NKAIN2: variants seen among roughly 807,000 people sequenced by gnomAD.
The protein encoded by NKAIN2 is sodium/potassium transporting ATPase interacting 2, also known as sodium/potassium-transporting ATPase subunit beta-1-interacting protein 2.
A neutral mutation model predicts 32.6 loss-of-function variants in NKAIN2; 14 were observed. That is an observed-to-expected ratio of 0.43 (90% CI 0.28 to 0.67). NKAIN2 has a LOEUF of 0.67. NKAIN2 is among the 30% of genes least tolerant of loss of function. The pLI is 0.17. For missense variants in NKAIN2, 198 were observed against 258.3 expected (o/e 0.77, Z 1.60); for synonymous variants, 80 against 87.2 (o/e 0.92, Z 0.46).
intron 1 of NKAIN2, among the ~76,000 whole-genome samples, chr6:124,224,867 T>A (rs1441625305): frequency 6.6e-6 from 1 of 152,034 alleles, no homozygotes; most frequent in Non-Finnish European, 1.5e-5. Context: ...CTGGGTGTAG[T>A]AATTTAGGAT....
At chr6:124,653,458 A>T in intron 3 of NKAIN2, among the ~76,000 whole-genome samples, 1 of 151,722 alleles carries the variant, frequency 6.6e-6, no homozygotes, top group South Asian at 2.1e-4. Context: ...AAAAAAAAAA[A>T]AAAAAAAAAA....
At chr6:123,806,596 A>G (rs1773224421) in intron 1 of NKAIN2, among the ~76,000 whole-genome samples, 1 of 152,156 alleles carries the variant, frequency 6.6e-6, no homozygotes. Context: ...AAAACTTTTT[A>G]TGTCTTTGCG....
intron 1 of NKAIN2, among the ~76,000 whole-genome samples, chr6:123,985,962 T>A (rs984641989): frequency 6.6e-6 from 1 of 152,194 alleles, no homozygotes; most frequent in South Asian, 2.1e-4. Flanking sequence ...GACTGGATAG[T>A]GTGTAAGAGG....
intron 3 of NKAIN2, among the ~76,000 whole-genome samples, chr6:124,592,432 A>G (rs1781945545): frequency 6.6e-6 from 1 of 152,214 alleles, no homozygotes; most frequent in Non-Finnish European, 1.5e-5. Flanking sequence ...CTGGAAATTT[A>G]CAGGCCACTA....
At chr6:124,742,518 C>T (rs1259890704) in intron 4 of NKAIN2, among the ~76,000 whole-genome samples, 1 of 151,836 alleles carries the variant, frequency 6.6e-6, no homozygotes, top group Non-Finnish European at 1.5e-5. Flanking sequence ...TCACTGGCTT[C>T]CCTGGTTCTC....
At chr6:124,019,565 A>T (rs2114756135) in intron 1 of NKAIN2, among the ~76,000 whole-genome samples, 1 of 152,284 alleles carries the variant, frequency 6.6e-6, no homozygotes, top group African/African-American at 2.4e-5. Flanking sequence ...CAGAGTAGTA[A>T]GCTCTTGGTC....
intron 4 of NKAIN2, among the ~76,000 whole-genome samples, chr6:124,707,459 A>G (rs1053150938): frequency 1.3e-5 from 2 of 150,126 alleles, no homozygotes; most frequent in African/African-American, 5.0e-5. Flanking sequence ...TCCCACCAAC[A>G]GTGTAAAGGT....
chr6:123,924,591 G>C (rs946854694), intron 1 of NKAIN2, among the ~76,000 whole-genome samples: 4 of 152,036 alleles, frequency 2.6e-5, no homozygotes, highest in African/African-American at 9.7e-5. Context: ...TACTATAATA[G>C]AAGTTTAGAA....
At chr6:124,084,863 A>T (rs1204884742) in intron 1 of NKAIN2, among the ~76,000 whole-genome samples, 2 of 151,950 alleles carry the variant, frequency 1.3e-5, no homozygotes, top group African/African-American at 4.8e-5. Context: ...GAAAAAAAAA[A>T]TCTCTATGCT....
At chr6:124,178,228 C>T (rs1789258086) in intron 1 of NKAIN2, among the ~76,000 whole-genome samples, 1 of 152,050 alleles carries the variant, frequency 6.6e-6, no homozygotes, top group South Asian at 2.1e-4. Flanking sequence ...AAATACATTT[C>T]TGTTGTTTAT....
At chr6:124,358,028 T>C (rs9388326) in intron 3 of NKAIN2, among the ~76,000 whole-genome samples, 48,201 of 152,072 alleles carry the variant, frequency 0.32, 8,486 homozygotes, top group South Asian at 0.46. Context: ...ATGCGGTGTT[T>C]GGTTTTTTGT....
At chr6:124,346,783 T>C (rs956686671) in intron 2 of NKAIN2, among the ~76,000 whole-genome samples, 6 of 152,010 alleles carry the variant, frequency 3.9e-5, no homozygotes, top group African/African-American at 1.5e-4. Context: ...CTTGACTCTT[T>C]ATCCTATTTG....
At chr6:124,821,524 A>G (rs190431781) in intron 6 of NKAIN2, among the ~76,000 whole-genome samples, 1 of 152,274 alleles carries the variant, frequency 6.6e-6, no homozygotes, top group Admixed American at 6.5e-5. Context: ...AATGGGCTTT[A>G]AAGAAGAGAC....
At chr6:124,517,548 G>C (rs1778960797) in intron 3 of NKAIN2, among the ~76,000 whole-genome samples, 1 of 152,050 alleles carries the variant, frequency 6.6e-6, no homozygotes, top group Non-Finnish European at 1.5e-5. Context: ...GACCCTTCGA[G>C]GCAAGGCAGA....
intron 3 of NKAIN2, among the ~76,000 whole-genome samples, chr6:124,473,488 A>G (rs1350248475): frequency 1.1e-4 from 17 of 152,166 alleles, no homozygotes; most frequent in Admixed American, 2.6e-4. Context: ...CATTCGTTGT[A>G]GTAACTAGTA....
intron 1 of NKAIN2, among the ~76,000 whole-genome samples, chr6:123,921,081 G>A (rs1387913372): frequency 1.3e-5 from 2 of 152,162 alleles, no homozygotes; most frequent in South Asian, 2.1e-4. Flanking sequence ...GGAAATAAGA[G>A]TGGAATATCA....
chr6:124,580,888 G>C (rs1171915957), intron 3 of NKAIN2, among the ~76,000 whole-genome samples: 1 of 151,932 alleles, frequency 6.6e-6, no homozygotes, highest in Non-Finnish European at 1.5e-5. Flanking sequence ...AACAGAAATA[G>C]CTATACTTAG....
chr6:123,893,813 C>T (rs867738075), intron 1 of NKAIN2, among the ~76,000 whole-genome samples: 15 of 152,188 alleles, frequency 9.9e-5, no homozygotes, highest in African/African-American at 3.4e-4. Flanking sequence ...AGATGTCTGG[C>T]AGGGATTATT....
At chr6:124,265,888 A>G (rs575912906) in intron 1 of NKAIN2, among the ~76,000 whole-genome samples, 141 of 152,336 alleles carry the variant, frequency 9.3e-4, no homozygotes, top group Non-Finnish European at 1.4e-3. Flanking sequence ...TGAGACTGAC[A>G]TTGTTTCCTT....
Sources: allele counts gnomAD v4.1 joint callset (sites outside exome capture counted in the v4.1 genomes callset), GRCh38; gene constraint gnomAD v4.1.1; transcripts MANE v1.5; gene names NCBI Gene and HGNC (gene_info 2026-07-23, HGNC 2026-07-21).